Variants in PID1 observed in about 807,000 individuals in gnomAD.
PID1 encodes the protein phosphotyrosine interaction domain containing 1, also known as PTB-containing, cubilin and LRP1-interacting protein.
PID1 carries 10 observed loss-of-function variants against 19.1 expected under a neutral mutation model. That is an observed-to-expected ratio of 0.52 (90% CI 0.32 to 0.89). PID1 has a LOEUF of 0.89. Ranked by LOEUF, PID1 falls within the 40% of genes least tolerant of loss-of-function variation. The probability of loss-of-function intolerance (pLI) is 0.03; values close to 1 mark genes in which losing one functional copy is unlikely to be tolerated. For missense variants in PID1, 248 were observed against 285.3 expected (o/e 0.87, Z 0.94); for synonymous variants, 130 against 116.0 (o/e 1.12, Z -0.78).
intron 2 of PID1, among the ~76,000 whole-genome samples, chr2:229,117,471 C>T (rs1278073743): frequency 6.6e-6 from 1 of 152,200 alleles, no homozygotes; most frequent in Non-Finnish European, 1.5e-5. Flanking sequence ...AAATCTCCTA[C>T]TGGGTCTCTC....
At chr2:229,222,532 C>T (rs1401840541) in intron 1 of PID1, among the ~76,000 whole-genome samples, 2 of 152,034 alleles carry the variant, frequency 1.3e-5, no homozygotes, top group African/African-American at 2.4e-5. Flanking sequence ...CCACAGGGTG[C>T]CCAGATGTTT....
chr2:229,062,685 T>C (rs1370075974), intron 2 of PID1, among the ~76,000 whole-genome samples: 1 of 151,966 alleles, frequency 6.6e-6, no homozygotes, highest in African/African-American at 2.4e-5. Context: ...TTCAACTTTT[T>C]GGAGGAGGTT....
At chr2:229,231,960 C>A in intron 1 of PID1, 1 of 1,550,402 alleles carries the variant, frequency 6.4e-7, no homozygotes, top group South Asian at 1.2e-5. Flanking sequence ...GATCAAGGTG[C>A]GGGCTTGTTT....
chr2:229,216,393 T>C (rs1691846815), intron 1 of PID1, among the ~76,000 whole-genome samples: 5 of 152,154 alleles, frequency 3.3e-5, no homozygotes, highest in African/African-American at 1.2e-4. Flanking sequence ...TTTTGGGTGT[T>C]CTGATGGTTT....
At position 229,054,722 on chromosome 2, in the gene PID1, G is replaced by C. The variant is rs866406468; in HGVS notation, c.178-28614C>G. On this transcript the variant is annotated intron_variant, in intron 2 of 2. Transcript: ENST00000392055. The stretch of plus-strand genomic sequence containing the variant: ...TAATGCAGTGTGTGTGTGTGTGTGG[G>C]GGGGGGGGGGGGTCTGGTTTTACTC... Among the ~76,000 whole-genome samples, 5 of 57,220 alleles carry C rather than the reference G, an allele frequency of 8.7e-5. 1 individual carries two copies. The East Asian group carries it at 2.4e-3, about 28-fold the overall frequency. The allele number at this position is 57,220 out of a possible 152,430, so 37.5% of individuals were successfully genotyped here.
At chr2:229,161,315 G>A (rs1190285728) in intron 1 of PID1, among the ~76,000 whole-genome samples, 8 of 152,124 alleles carry the variant, frequency 5.3e-5, no homozygotes. Flanking sequence ...CTGAGAAATG[G>A]AAAGACAGCC....
chr2:229,180,712 A>ATGACTTAACGGC (rs1690921547), intron 1 of PID1, among the ~76,000 whole-genome samples: 1 of 152,150 alleles, frequency 6.6e-6, no homozygotes, highest in Non-Finnish European at 1.5e-5. Flanking sequence ...TTTCCTTTTA[A>ATGACTTAACGGC]TGACTTAACG....
intron 1 of PID1, among the ~76,000 whole-genome samples, chr2:229,264,863 C>T (rs908391677): frequency 4.6e-5 from 7 of 152,154 alleles, no homozygotes; most frequent in South Asian, 2.1e-4. Context: ...GTACTTGGGA[C>T]GTAGTAGATG....
chr2:229,118,602 T>G (rs936243116), intron 2 of PID1, among the ~76,000 whole-genome samples: 2 of 152,138 alleles, frequency 1.3e-5, no homozygotes, highest in Non-Finnish European at 2.9e-5. Flanking sequence ...GCAAAGGGAA[T>G]GATGAATAGG....
rs1553558553 is a variant in PID1 at position 229,065,729 on chromosome 2, A to AAAG, written c.178-39622_178-39621insCTT. Among the ~76,000 whole-genome samples, 710 of 140,726 alleles carry AAAG rather than the reference A, an allele frequency of 5.0e-3. 30 individuals carry two copies. Among genetic ancestry groups the AAAG allele is most frequent in the African/African-American group, 0.019 (695 of 35,834 alleles). 92.3% of individuals were successfully genotyped at this position (140,726 alleles called of 152,430 possible). A position where few individuals can be genotyped will look rare whatever the true frequency, so the allele number is the denominator to read the frequency against. ...GTGATTTACAAAAAAAAAAAAAAAA[A>AAAG]AAACAGGTTGAAATTCAGAGATTTA... On this transcript the variant is annotated intron_variant, in intron 2 of 2. Coordinates refer to ENST00000392055, the MANE Select transcript of PID1 (RefSeq NM_001100818.2).
chr2:229,045,743 A>G (rs972675396), intron 2 of PID1, among the ~76,000 whole-genome samples: 3 of 152,356 alleles, frequency 2.0e-5, no homozygotes, highest in Non-Finnish European at 2.9e-5. Context: ...GACTTCAATC[A>G]ACAGCAAATG....
intron 1 of PID1, among the ~76,000 whole-genome samples, chr2:229,214,142 C>A (rs1421937848): frequency 6.6e-6 from 1 of 152,180 alleles, no homozygotes; most frequent in Non-Finnish European, 1.5e-5. Context: ...GGTAGCATAA[C>A]TTTTCATTCA....
intron 1 of PID1, among the ~76,000 whole-genome samples, chr2:229,235,953 G>A (rs767022696): frequency 1.2e-4 from 19 of 152,160 alleles, no homozygotes; most frequent in Non-Finnish European, 2.5e-4. Flanking sequence ...CAAAACATAT[G>A]AAGACATTTA....
intron 1 of PID1, among the ~76,000 whole-genome samples, chr2:229,251,733 A>G (rs1690156582): frequency 6.6e-6 from 1 of 152,214 alleles, no homozygotes; most frequent in African/African-American, 2.4e-5. Flanking sequence ...AATTAAAAAG[A>G]CAAATAGCAT....
At chr2:229,114,776 G>A (rs1268084798) in intron 2 of PID1, among the ~76,000 whole-genome samples, 2 of 152,056 alleles carry the variant, frequency 1.3e-5, no homozygotes, top group Non-Finnish European at 2.9e-5. Flanking sequence ...ATATACACTT[G>A]TCTTCTTCCA....
In PID1 at chr2:229,262,735, T is replaced by C. The variant is rs769708585; in HGVS notation, c.30+8279A>G. On this transcript the variant is annotated intron_variant, in intron 1 of 2. Transcript: ENST00000392055. ...TAAAGGTTGGCAGGGCCACACACCATCCAAAAGCTCTGGAGAAGAACATGT... is the reference window on the plus strand; with the variant it reads ...TAAAGGTTGGCAGGGCCACACACCACCCAAAAGCTCTGGAGAAGAACATGT... 30 of 1,551,636 alleles carry C rather than the reference T, an allele frequency of 1.9e-5. No homozygotes were observed. The South Asian group carries it at 3.2e-4, about 17-fold the overall frequency.
chr2:229,134,854 C>G (rs1175583422), intron 2 of PID1, among the ~76,000 whole-genome samples: 2 of 152,098 alleles, frequency 1.3e-5, no homozygotes, highest in South Asian at 4.1e-4. Flanking sequence ...ATATATTGAA[C>G]TTTTCACCTG....
chr2:229,192,218 C>T (rs1691275787), intron 1 of PID1, among the ~76,000 whole-genome samples: 1 of 152,196 alleles, frequency 6.6e-6, no homozygotes, highest in South Asian at 2.1e-4. Flanking sequence ...CTAGGAGTAC[C>T]TTTTTTATCC....
intron 2 of PID1, among the ~76,000 whole-genome samples, chr2:229,043,500 G>A (rs923373331): frequency 1.3e-5 from 2 of 152,194 alleles, no homozygotes; most frequent in African/African-American, 4.8e-5. Context: ...CAAGAATAAA[G>A]AGCGAAGCGG....
Sources: allele counts gnomAD v4.1 joint callset (sites outside exome capture counted in the v4.1 genomes callset), GRCh38; gene constraint gnomAD v4.1.1; transcripts MANE v1.5; gene names NCBI Gene and HGNC (gene_info 2026-07-23, HGNC 2026-07-21).